Variants in SSBP3 observed in about 807,000 individuals in gnomAD.
SSBP3 encodes the protein single-stranded DNA-binding protein 3.
Under a neutral mutation model 69.6 loss-of-function variants are expected in SSBP3, and 5 were observed. The ratio of observed to expected loss-of-function variants is 0.07; its 90% CI spans 0.04 to 0.15. SSBP3 has a LOEUF of 0.15. Among genes scored for constraint, SSBP3 ranks in the 10% least tolerant of loss-of-function variants. The pLI, the probability that SSBP3 is intolerant of heterozygous loss-of-function variation, is 1.00. For synonymous variants in SSBP3, 196 were observed against 193.4 expected, an observed-to-expected ratio of 1.01 and a Z score of -0.11; for missense variants, 312 against 534.0, an observed-to-expected ratio of 0.58 and a Z score of 4.10.
chr1:54,348,247 C>CGGGGGGGGGGGG (rs34214298), intron 4 of SSBP3, among the ~76,000 whole-genome samples: 3 of 39,332 alleles, frequency 7.6e-5, no homozygotes, highest in East Asian at 7.3e-4. Context: ...GCATGGGGGG[C>CGGGGGGGGGGGG]GGGGGGGGGG....
intron 5 of SSBP3, among the ~76,000 whole-genome samples, chr1:54,259,352 T>G (rs1017250370): frequency 1.3e-5 from 2 of 151,938 alleles, no homozygotes; most frequent in Non-Finnish European, 2.9e-5. Flanking sequence ...AACCCCGGTT[T>G]TGTGTGTAAA....
chr1:54,251,672 A>C (rs920725065), exon 9 of SSBP3: 2 of 1,554,832 alleles, frequency 1.3e-6, no homozygotes, highest in African/African-American at 2.7e-5. Context: ...CTCTGCATTG[A>C]TCCTCCCATG....
chr1:54,250,599 G>T (rs1644811195), intron 9 of SSBP3, among the ~76,000 whole-genome samples: 1 of 152,178 alleles, frequency 6.6e-6, no homozygotes. Context: ...GGGGCCCAGA[G>T]CCTGAACACC....
rs60875737 is a variant in SSBP3, at chr1:54,283,272, TAAAAA to T, written c.277-1750_277-1746del. Among the ~76,000 whole-genome samples the T allele has an allele frequency of 1.8e-3, 227 of 126,538 alleles. 2 individuals are homozygous for T. The highest frequency in any genetic ancestry group is 5.6e-3 in the African/African-American group (196 of 35,202). The allele number at this position is 126,538 out of a possible 152,430, so 83.0% of individuals were successfully genotyped here. Reference sequence around the variant, plus strand: ...GACAAAAGCAAAACTCCCCATCTCATAAAAAAAAAAAAAAAAAAAGGAACCAGAAT... The same window carrying T: ...GACAAAAGCAAAACTCCCCATCTCATAAAAAAAAAAAAAAGGAACCAGAAT... On this transcript the variant is annotated intron_variant, in intron 4 of 17. Coordinates refer to ENST00000610401, the Ensembl canonical transcript of SSBP3.
chr1:54,273,997 C>T (rs1296506623), intron 5 of SSBP3, among the ~76,000 whole-genome samples: 1 of 152,198 alleles, frequency 6.6e-6, no homozygotes, highest in African/African-American at 2.4e-5. Context: ...AGTCTGGAGG[C>T]GGACAGCAGG....
intron 9 of SSBP3, among the ~76,000 whole-genome samples, chr1:54,247,747 G>A (rs909066699): frequency 2.6e-5 from 4 of 152,158 alleles, no homozygotes; most frequent in African/African-American, 7.2e-5. Context: ...GGGAGCCACC[G>A]CACTTCTGGT....
At chr1:54,347,157 G>A (rs1410774474) in intron 4 of SSBP3, among the ~76,000 whole-genome samples, 1 of 151,930 alleles carries the variant, frequency 6.6e-6, no homozygotes, top group Admixed American at 6.6e-5. Context: ...ACATAGAGAT[G>A]GGGTCTCACT....
intron 7 of SSBP3, 39 bp from the exon 8 acceptor site, chr1:54,251,899 G>A (rs1019322849): frequency 3.8e-6 from 6 of 1,581,640 alleles, no homozygotes; most frequent in East Asian, 4.5e-5. Flanking sequence ...GAGCTGCTCC[G>A]GAGCTGCTGG....
At chr1:54,342,264 G>GC (rs1209247770) in intron 4 of SSBP3, among the ~76,000 whole-genome samples, 3 of 152,222 alleles carry the variant, frequency 2.0e-5, no homozygotes, top group Non-Finnish European at 4.4e-5. Flanking sequence ...CTCCACTCCT[G>GC]CCCCCACGCC....
intron 4 of SSBP3, among the ~76,000 whole-genome samples, chr1:54,299,744 T>A (rs1174752280): frequency 1.3e-5 from 2 of 152,068 alleles, no homozygotes; most frequent in Non-Finnish European, 2.9e-5. Flanking sequence ...GACCACTACA[T>A]CAGGCCCCTC....
intron 13 of SSBP3, among the ~76,000 whole-genome samples, chr1:54,239,652 G>C (rs1337877139): frequency 6.6e-6 from 1 of 152,244 alleles, no homozygotes; most frequent in Non-Finnish European, 1.5e-5. Context: ...GGGAGAGGCA[G>C]GGATGGGGCT....
chr1:54,368,057 T>G (rs1386390926), intron 4 of SSBP3, among the ~76,000 whole-genome samples: 1 of 152,028 alleles, frequency 6.6e-6, no homozygotes, highest in Non-Finnish European at 1.5e-5. Context: ...ATCCCAACAC[T>G]TTGGGAGACC....
intron 13 of SSBP3, among the ~76,000 whole-genome samples, chr1:54,239,811 C>G (rs898152082): frequency 6.6e-6 from 1 of 152,188 alleles, no homozygotes; most frequent in Non-Finnish European, 1.5e-5. Flanking sequence ...AGCTGAGCAG[C>G]TTCCCTGCTA....
intron 4 of SSBP3, among the ~76,000 whole-genome samples, chr1:54,389,169 A>G (rs546320299): frequency 1.3e-5 from 2 of 152,334 alleles, no homozygotes; most frequent in South Asian, 4.1e-4. Flanking sequence ...AAGTCTCATC[A>G]GCAGCTATAT....
chr1:54,269,526 G>A (rs2100810467), intron 5 of SSBP3, among the ~76,000 whole-genome samples: 1 of 152,308 alleles, frequency 6.6e-6, no homozygotes, highest in East Asian at 1.9e-4. Flanking sequence ...CCTTGGGATT[G>A]GCTATTACAA....
At chr1:54,320,009 C>T (rs2100364555) in intron 4 of SSBP3, among the ~76,000 whole-genome samples, 1 of 152,256 alleles carries the variant, frequency 6.6e-6, no homozygotes, top group South Asian at 2.1e-4. Context: ...CTGAAATGCA[C>T]CAACAGGAGG....
chr1:54,295,368 C>A (rs17110286), intron 4 of SSBP3, among the ~76,000 whole-genome samples: 5,782 of 152,286 alleles, frequency 0.038, 359 homozygotes, highest in African/African-American at 0.13. Flanking sequence ...AGCTCAAATG[C>A]CCCCTGCTTC....
At chr1:54,248,504 A>G (rs1384170274) in intron 9 of SSBP3, among the ~76,000 whole-genome samples, 1 of 152,174 alleles carries the variant, frequency 6.6e-6, no homozygotes, top group Non-Finnish European at 1.5e-5. Context: ...TGCTTTCCAG[A>G]ACTAAGTTCT....
chr1:54,411,672 C>T (rs540503695), intron 1 of SSBP3, among the ~76,000 whole-genome samples: 3 of 151,882 alleles, frequency 2.0e-5, no homozygotes, highest in Admixed American at 6.6e-5. Context: ...GCAGGCAGAT[C>T]GCGAGGTCAG....
Sources: allele counts gnomAD v4.1 joint callset (sites outside exome capture counted in the v4.1 genomes callset), GRCh38; gene constraint gnomAD v4.1.1; transcripts MANE v1.5; gene names NCBI Gene and HGNC (gene_info 2026-07-23, HGNC 2026-07-21).